MICAL2: variants seen among roughly 807,000 people sequenced by gnomAD.
MICAL2 encodes the protein microtubule associated monooxygenase, calponin and LIM domain containing 2.
MICAL2 carries 77 observed loss-of-function variants against 127.3 expected under a neutral mutation model. That is an observed-to-expected ratio of 0.60 (90% confidence interval 0.50 to 0.73). MICAL2 has a LOEUF of 0.73. MICAL2 is among the 30% of genes least tolerant of loss of function. MICAL2 has a pLI of 0.00. For missense variants in MICAL2, 1,351 were observed against 1,434.4 expected (o/e 0.94, Z 0.94); for synonymous variants, 570 against 551.1 (o/e 1.03, Z -0.48).
At chr11:12,222,488 T>G in intron 10 of MICAL2, 129 bp from the exon 11 acceptor site, 1 of 1,262,210 alleles carries the variant, frequency 7.9e-7, no homozygotes, top group Non-Finnish European at 1.1e-6. Flanking sequence ...GTCAGGTATT[T>G]CAGGGAAGGG....
At chr11:12,179,212 C>T (rs1254280124) in intron 3 of MICAL2, among the ~76,000 whole-genome samples, 1 of 152,208 alleles carries the variant, frequency 6.6e-6, no homozygotes, top group African/African-American at 2.4e-5. Flanking sequence ...CAACTCCCTT[C>T]TCACAGGCCG....
chr11:12,337,289 C>T (rs527413602), intron 32 of MICAL2, among the ~76,000 whole-genome samples: 96 of 152,006 alleles, frequency 6.3e-4, no homozygotes, highest in African/African-American at 1.9e-3. Context: ...TCTGTGGGAT[C>T]GGTGGTGATA....
intron 8 of MICAL2, among the ~76,000 whole-genome samples, chr11:12,218,582 C>G (rs562012671): frequency 6.6e-6 from 1 of 152,300 alleles, no homozygotes; most frequent in African/African-American, 2.4e-5. Context: ...CTCTCTTCCC[C>G]CATCTCACCT....
At chr11:12,194,562 A>AT (rs1444228333) in intron 3 of MICAL2, among the ~76,000 whole-genome samples, 1 of 152,148 alleles carries the variant, frequency 6.6e-6, no homozygotes, top group Admixed American at 6.5e-5. Flanking sequence ...CTGGCCCTAC[A>AT]TTTTTTAGCT....
chr11:12,136,192 G>A (rs950217020), intron 1 of MICAL2, among the ~76,000 whole-genome samples: 4 of 152,084 alleles, frequency 2.6e-5, no homozygotes, highest in Admixed American at 6.5e-5. Context: ...CTTGGCACTG[G>A]CCTGATGGCA....
At chr11:12,323,368 G>A (rs990783778) in intron 30 of MICAL2, among the ~76,000 whole-genome samples, 3 of 152,060 alleles carry the variant, frequency 2.0e-5, no homozygotes, top group Non-Finnish European at 4.4e-5. Context: ...CCATTTCCAG[G>A]TTTAATTAGC....
At chr11:12,341,730 G>C (rs1316389941) in intron 32 of MICAL2, among the ~76,000 whole-genome samples, 1 of 152,128 alleles carries the variant, frequency 6.6e-6, no homozygotes, top group Non-Finnish European at 1.5e-5. Context: ...GGGAGGCTGA[G>C]GCAAAAGAAT....
intron 1 of MICAL2, among the ~76,000 whole-genome samples, chr11:12,137,141 C>CAG (rs1449502797): frequency 6.6e-6 from 1 of 152,216 alleles, no homozygotes; most frequent in East Asian, 1.9e-4. Flanking sequence ...GAATGTGGCC[C>CAG]AGGCAGGCCA....
At chr11:12,327,425 T>C (rs1864367345) in intron 32 of MICAL2, among the ~76,000 whole-genome samples, 2 of 152,216 alleles carry the variant, frequency 1.3e-5, no homozygotes, top group Admixed American at 1.3e-4. Context: ...CATCAAACTA[T>C]TGTTTCTCGG....
At chr11:12,150,572 A>G (rs965672008) in intron 2 of MICAL2, among the ~76,000 whole-genome samples, 11 of 152,192 alleles carry the variant, frequency 7.2e-5, no homozygotes, top group Non-Finnish European at 1.5e-4. Context: ...GGTACCATGC[A>G]CACAGTGAAT....
chr11:12,237,320 G>A (rs1859224452), intron 16 of MICAL2, among the ~76,000 whole-genome samples: 1 of 152,232 alleles, frequency 6.6e-6, no homozygotes, highest in South Asian at 2.1e-4. Flanking sequence ...ACTTCAGGAA[G>A]CACTGTTTCT....
chr11:12,342,933 G>T (rs2055105), intron 32 of MICAL2, among the ~76,000 whole-genome samples: 71,302 of 151,648 alleles, frequency 0.47, 18,659 homozygotes, highest in Non-Finnish European at 0.61. Flanking sequence ...AGGGGGCAGG[G>T]AGCTGATGGA....
intron 32 of MICAL2, among the ~76,000 whole-genome samples, chr11:12,347,397 G>A (rs904661186): frequency 6.6e-6 from 1 of 152,132 alleles, no homozygotes; most frequent in African/African-American, 2.4e-5. Flanking sequence ...CTCACTATCT[G>A]CAAATTTCTC....
downstream of MICAL2, among the ~76,000 whole-genome samples, chr11:12,361,631 C>A (rs967255472): frequency 6.6e-6 from 1 of 152,194 alleles, no homozygotes; most frequent in Admixed American, 6.5e-5. Context: ...TCAATCAATG[C>A]CAAGATGCAC....
At position 12,226,228 on chromosome 11, in the gene MICAL2, T is replaced by C. The variant is rs2134326593; in HGVS notation, c.1746T>C (p.Asp582=). The change falls in exon 14 of 28, where the codon GAT becomes GAC. Residue 582 remains aspartate, a synonymous_variant. Transcript: ENST00000683283. The part of the protein sequence containing the change: ...DAVENNQLAF[D]VAEREFGIPP... ...TGGAGAACAACCAGCTCGCATTTGA[T>C]GTGGCCGAGCGAGAGTTTGGGATCC... 6.2e-7 allele frequency: 1 copy of C among 1,614,268 alleles called. No individual in the cohort carries two copies. The highest frequency in any genetic ancestry group is 8.5e-7 in the Non-Finnish European group (1 of 1,180,052).
Position 12,223,269 on chromosome 11 carries a change from C to T in MICAL2, c.1450-142C>T, listed in dbSNP as rs140740167. On this transcript the variant is annotated intron_variant, in intron 11 of 27. Transcript: ENST00000683283. ...ATTGCTCTATGACTGAAGTTGCCTG[C>T]GTTCCCTTGCCGAAGGTCATGCCTC... 8.5e-4 allele frequency: 561 copies of T among 662,594 alleles called. 4 individuals are homozygous for T. The highest frequency in any genetic ancestry group is 8.4e-3 in the African/African-American group (470 of 56,008). 41.0% of individuals were successfully genotyped at this position (662,594 alleles called of 1,614,324 possible). A position where few individuals can be genotyped will look rare whatever the true frequency, so the allele number is the denominator to read the frequency against.
chr11:12,169,345 C>T (rs1416992184), intron 3 of MICAL2, among the ~76,000 whole-genome samples: 1 of 151,928 alleles, frequency 6.6e-6, no homozygotes, highest in Non-Finnish European at 1.5e-5. Flanking sequence ...TATGGTTTCT[C>T]ATTTTATGGC....
chr11:12,170,881 G>A (rs190708352), intron 3 of MICAL2, among the ~76,000 whole-genome samples: 17 of 152,188 alleles, frequency 1.1e-4, no homozygotes, highest in Non-Finnish European at 2.5e-4. Context: ...TCATCCCCGC[G>A]TCTCAAGTCC....
chr11:12,145,753 A>G (rs1852830882), intron 2 of MICAL2, among the ~76,000 whole-genome samples: 1 of 152,332 alleles, frequency 6.6e-6, no homozygotes, highest in South Asian at 2.1e-4. Context: ...TAAAGGCTGA[A>G]TGCAGTGTAT....
Sources: allele counts gnomAD v4.1 joint callset (sites outside exome capture counted in the v4.1 genomes callset), GRCh38; gene constraint gnomAD v4.1.1; transcripts MANE v1.5; gene names NCBI Gene and HGNC (gene_info 2026-07-23, HGNC 2026-07-21).